MYH11: variants seen among roughly 807,000 people sequenced by gnomAD.
MYH11 encodes the protein myosin-11.
MYH11 carries 80 observed loss-of-function variants against 246.6 expected under a neutral mutation model. The ratio of observed to expected loss-of-function variants is 0.32; its 90% CI spans 0.27 to 0.39. The LOEUF (loss-of-function observed/expected upper bound fraction) is 0.39, where lower values mean the gene tolerates loss of function less well. Ranked by LOEUF, MYH11 falls within the 10% of genes least tolerant of loss-of-function variation. MYH11 has a pLI of 1.00. For missense variants in MYH11, 2,158 were observed against 2,546.8 expected (o/e 0.85, Z 3.29); for synonymous variants, 1,071 against 1,015.5 (o/e 1.05, Z -1.04).
intron 32 of MYH11, 81 bp from the exon 33 acceptor site, chr16:15,721,132 C>CCCTGATCTCCTG: frequency 6.7e-7 from 1 of 1,483,022 alleles, no homozygotes; most frequent in Non-Finnish European, 9.3e-7. Flanking sequence ...AGCGGCACCT[C>CCCTGATCTCCTG]AGGAGATCAG....
At chr16:15,727,159 C>T (rs1352459767) in intron 27 of MYH11, 105 bp from the exon 28 acceptor site, 1 of 954,598 alleles carries the variant, frequency 1.0e-6, no homozygotes, top group Non-Finnish European at 1.7e-6. Context: ...AGGCACACAA[C>T]AGGGGGCACA....
At chr16:15,797,426 C>T (rs913197967) in intron 4 of MYH11, among the ~76,000 whole-genome samples, 10 of 151,996 alleles carry the variant, frequency 6.6e-5, no homozygotes, top group Admixed American at 3.9e-4. Flanking sequence ...AAAGAGCGTT[C>T]TCTCTCAGCA....
chr16:15,838,117 C>T lies in MYH11; in HGVS notation c.136G>A (p.Glu46Lys), dbSNP rs866047937. The T allele has an allele frequency of 3.1e-6, 5 of 1,614,070 alleles. No individual in the cohort carries two copies. Among genetic ancestry groups the T allele is most frequent in the South Asian group, 2.2e-5 (2 of 91,070 alleles). Residue 46 changes from glutamate (E) to lysine (K), a missense_variant, in exon 2 of 41, where the codon GAG becomes AAG. Around this residue, in one of 11 missense-constraint regions of MYH11, gnomAD observed 96 missense variants for 91.9 expected, o/e 1.04. Transcript: ENST00000300036. The stretch of plus-strand genomic sequence containing the variant: ...TTCTCCTCCTTAATGCTGGCTGCCT[C>T]GAAGCCCTGCTTCTCCGAGGGGACC... Reference protein sequence around the residue: ...VWVPSEKQGFEAASIKEEKGD... With the variant: ...VWVPSEKQGFKAASIKEEKGD...
chr16:15,717,663 G>A, intron 37 of MYH11: 1 of 455,016 alleles, frequency 2.2e-6, no homozygotes, highest in African/African-American at 2.0e-5. Flanking sequence ...GGCAGTGGTG[G>A]CACGTGCCTG....
chr16:15,758,004 A>T lies in MYH11; in HGVS notation c.1402-4T>A, dbSNP rs1373297099. 1 of 1,613,538 alleles carries T rather than the reference A, an allele frequency of 6.2e-7. No individual in the cohort carries two copies. Among genetic ancestry groups the T allele is most frequent in the Non-Finnish European group, 8.5e-7 (1 of 1,180,036 alleles). On this transcript the variant is annotated splice_region_variant and splice_polypyrimidine_tract_variant and intron_variant, in intron 12 of 40. Coordinates refer to ENST00000300036, the MANE Select transcript of MYH11 (RefSeq NM_002474.3). ...ACAGCTGCTCGAAGGAGTTCACCTG[A>T]GCACATGGCGTGGGGGCGGGGCGTG...
At chr16:15,751,897 C>A (rs890325631) in intron 15 of MYH11, among the ~76,000 whole-genome samples, 2 of 152,148 alleles carry the variant, frequency 1.3e-5, no homozygotes, top group Non-Finnish European at 2.9e-5. Context: ...CTCCCAGGTT[C>A]AAGCAGTTCT....
intron 5 of MYH11, chr16:15,782,692 C>T: frequency 1.8e-6 from 1 of 548,126 alleles, no homozygotes; most frequent in South Asian, 2.0e-5. Flanking sequence ...ACATCTGCTC[C>T]CTAGGAAGGT....
Position 15,848,732 on chromosome 16 carries a change from T to C in MYH11, c.-18+8209A>G, listed in dbSNP as rs527852277. 2.6e-5 allele frequency among the ~76,000 whole-genome samples: 4 copies of C among 152,272 alleles called. No individual in the cohort carries two copies. In the East Asian group the frequency reaches 7.7e-4, roughly 29 times the overall value. On this transcript the variant is annotated intron_variant, in intron 1 of 40. Transcript: ENST00000300036. ...CTGGGGTGGCAAAACTGCTTCCAGT[T>C]GAGAACCACAGCTTTAGAATAAAAA...
chr16:15,793,162 C>T (rs1442529609), intron 4 of MYH11, among the ~76,000 whole-genome samples: 2 of 152,330 alleles, frequency 1.3e-5, no homozygotes, highest in Non-Finnish European at 2.9e-5. Flanking sequence ...ACAGCTCTAT[C>T]TCCAGCCAGG....
In MYH11 at chr16:15,747,862, T is replaced by C; in HGVS notation, c.2250+12A>G. 2 of 1,613,548 alleles carry C rather than the reference T, an allele frequency of 1.2e-6. No individual in the cohort carries two copies. The highest frequency in any genetic ancestry group is 1.7e-6 in the Non-Finnish European group (2 of 1,179,982). On this transcript the variant is annotated intron_variant, in intron 18 of 40. Coordinates refer to ENST00000300036, the MANE Select transcript of MYH11 (RefSeq NM_002474.3). ...AGAGGTTGGGAGGTCTCTGGTGGAC[T>C]TCTGGGCTCACCATGAGAATGCAGG...
chr16:15,703,936 T>C lies in MYH11; in HGVS notation c.*55A>G. ...TGGGTTGTTGTTGGGTTTTTTTTGTTTGTTTGTTTTGGTTTTTGGTTTTCT... is the reference window on the plus strand; with the variant it reads ...TGGGTTGTTGTTGGGTTTTTTTTGTCTGTTTGTTTTGGTTTTTGGTTTTCT... On this transcript the variant is annotated 3_prime_UTR_variant, in exon 41 of 41. Transcript: ENST00000300036. The C allele has an allele frequency of 6.2e-7, 1 of 1,612,674 alleles. No homozygotes were observed.
chr16:15,837,858 A>G (rs1490275467), intron 2 of MYH11, 50 bp downstream of exon 2: 1 of 1,530,288 alleles, frequency 6.5e-7, no homozygotes, highest in Non-Finnish European at 9.1e-7. Context: ...TCTAATGCCT[A>G]CTTTCCTTAT....
At chr16:15,843,320 G>A (rs886926878) in intron 1 of MYH11, among the ~76,000 whole-genome samples, 2 of 151,862 alleles carry the variant, frequency 1.3e-5, no homozygotes, top group Non-Finnish European at 2.9e-5. Flanking sequence ...GCAATGAGCC[G>A]AGATCATGCC....
In MYH11 at chr16:15,740,065, T is replaced by C. The variant is rs746367959; in HGVS notation, c.2983A>G (p.Asn995Asp). The C allele has an allele frequency of 6.2e-7, 1 of 1,614,204 alleles. No individual in the cohort carries two copies. The highest frequency in any genetic ancestry group is 8.5e-7 in the Non-Finnish European group (1 of 1,180,026). ...CCCCTACTCACTTTTGATAGTTTAT[T>C]GTTCTGATCATCCATGACCAGGATC... Reference protein sequence around the residue: ...DEILVMDDQNNKLSKERKLLE... With the variant: ...DEILVMDDQNDKLSKERKLLE... Residue 995 changes from asparagine (N) to aspartate (D), a missense_variant, in exon 23 of 41, where the codon AAT (asparagine) becomes GAT (aspartate). This residue lies in a region of MYH11 where 284 missense variants were observed against 315.4 expected (regional missense o/e 0.90). Coordinates refer to ENST00000300036, the MANE Select transcript of MYH11 (RefSeq NM_002474.3).
In MYH11 at chr16:15,798,658, A is replaced by G. The variant is rs779086212; in HGVS notation, c.530+2T>C. 10 of 1,605,088 alleles carry G rather than the reference A, an allele frequency of 6.2e-6. No homozygotes were observed. The South Asian group carries it at 1.0e-4, about 16-fold the overall frequency. On this transcript the variant is annotated splice_donor_variant, in intron 4 of 40. Coordinates refer to ENST00000300036, the MANE Select transcript of MYH11 (RefSeq NM_002474.3). LOFTEE classifies it high-confidence loss of function. ...AACAGAAGAAAAAGCAGTTCCACTT[A>G]CGTGCATAGAATGGACTGGTCCTCC... is the stretch of plus-strand genomic sequence containing the variant.
chr16:15,805,329 C>T (rs189439669), intron 3 of MYH11, among the ~76,000 whole-genome samples: 2 of 152,278 alleles, frequency 1.3e-5, no homozygotes, highest in Admixed American at 6.5e-5. Context: ...TTCCCATGGT[C>T]CACAGGTTCT....
At chr16:15,828,492 C>T (rs994845782) in intron 2 of MYH11, among the ~76,000 whole-genome samples, 1 of 152,118 alleles carries the variant, frequency 6.6e-6, no homozygotes, top group Non-Finnish European at 1.5e-5. Flanking sequence ...GTATCTCCTG[C>T]ACCCCGCACA....
Position 15,742,714 on chromosome 16 carries a change from C to G in MYH11, c.2521-823G>C, listed in dbSNP as rs1392497513. Among the ~76,000 whole-genome samples, 6 of 151,962 alleles carry G rather than the reference C, an allele frequency of 3.9e-5. No homozygotes were observed. In the East Asian group the frequency reaches 1.2e-3, roughly 29 times the overall value. The stretch of plus-strand genomic sequence containing the variant: ...CCACTGCACTCCAGCCTGGGTGACA[C>G]AGTGAGACCCTGTCTCCACAAATAA... On this transcript the variant is annotated intron_variant, in intron 20 of 40. Coordinates refer to ENST00000300036, the MANE Select transcript of MYH11 (RefSeq NM_002474.3).
intron 40 of MYH11, among the ~76,000 whole-genome samples, chr16:15,709,067 C>T (rs764473966): frequency 5.3e-5 from 8 of 152,000 alleles, no homozygotes; most frequent in East Asian, 1.9e-4. Context: ...CTCAGCCTCC[C>T]GAGTAGCTGG....
Sources: gnomAD v4.1 joint callset for allele counts (sites outside exome capture counted in the v4.1 genomes callset) on GRCh38, gnomAD v4.1.1 for gene constraint, gnomAD v4.1.1 regional missense constraint, MANE v1.5 for transcripts, NCBI Gene and HGNC (gene_info 2026-07-23, HGNC 2026-07-21) for gene names.